The following TBCD variants were observed in gnomAD, a reference collection of about 807,000 sequenced individuals.
TBCD encodes the protein tubulin-specific chaperone D.
Under a neutral mutation model 169.3 loss-of-function variants are expected in TBCD, and 105 were observed. That is an observed-to-expected ratio of 0.62 (90% confidence interval 0.53 to 0.73). The LOEUF (loss-of-function observed/expected upper bound fraction) is 0.73. Among genes scored for constraint, TBCD ranks in the 30% least tolerant of loss-of-function variants. The pLI, the probability that TBCD is intolerant of heterozygous loss-of-function variation, is 0.00. For missense variants in TBCD, 1,444 were observed against 1,600.1 expected (o/e 0.90, Z 1.66); for synonymous variants, 700 against 643.9 (o/e 1.09, Z -1.32).
At chr17:82,778,550 C>G (rs145179704) in intron 6 of TBCD, among the ~76,000 whole-genome samples, 227 of 151,902 alleles carry the variant, frequency 1.5e-3, no homozygotes, top group African/African-American at 5.3e-3. Context: ...CCTCCATCTC[C>G]TAGGCTCAAG....
Position 82,907,097 on chromosome 17 carries a change from G to A in TBCD, c.1923-664G>A, listed in dbSNP as rs115711636. 5.7e-3 allele frequency among the ~76,000 whole-genome samples: 861 copies of A among 152,360 alleles called. 6 individuals carry two copies. Among genetic ancestry groups the A allele is most frequent in the African/African-American group, 0.019 (787 of 41,580 alleles). ...CCACGTGGGCACCTCCGCCTGGCAC[G>A]AAACAAAATTCCAGACCCCCAGCAG... is the stretch of plus-strand genomic sequence containing the variant. On this transcript the variant is annotated intron_variant, in intron 20 of 38. Transcript: ENST00000355528.
Position 82,752,081 on chromosome 17 carries a change from G to A in TBCD, c.-113G>A. On this transcript the variant is annotated 5_prime_UTR_variant, in exon 1 of 39. Coordinates refer to ENST00000355528, the MANE Select transcript of TBCD (RefSeq NM_005993.5). ...CGGGGCGGGGCCAGCGTCGGTTGCC[G>A]CCTTAGCGGGCGCCTCCTTTTCATC... is the stretch of plus-strand genomic sequence containing the variant. 7.3e-6 allele frequency: 9 copies of A among 1,232,560 alleles called. No homozygotes were observed. Among genetic ancestry groups the A allele is most frequent in the East Asian group, 3.2e-5 (1 of 31,244 alleles). The allele number at this position is 1,232,560 out of a possible 1,614,324, so 76.4% of individuals were successfully genotyped here. A position where few individuals can be genotyped will look rare whatever the true frequency, so the allele number is the denominator to read the frequency against.
chr17:82,780,399 C>T (rs879906050), intron 6 of TBCD, among the ~76,000 whole-genome samples: 3 of 152,018 alleles, frequency 2.0e-5, no homozygotes, highest in Non-Finnish European at 2.9e-5. Context: ...TGTGGCAGTG[C>T]CAGTCTCGAT....
chr17:82,903,497 C>G lies in TBCD; in HGVS notation c.1804+19C>G. ...ACGCAAGGTGGGTGTGTGTCCCGGCCGGCCTGCGGGCACCATGCATGCACT... is the reference window on the plus strand; with the variant it reads ...ACGCAAGGTGGGTGTGTGTCCCGGCGGGCCTGCGGGCACCATGCATGCACT... On this transcript the variant is annotated intron_variant, in intron 19 of 38. Transcript: ENST00000355528. This position sits in a 1 kb window ranked among gnomAD's most constrained non-coding sequence, Gnocchi z 4.8. The G allele has an allele frequency of 6.3e-7, 1 of 1,577,692 alleles. No homozygotes were observed. The highest frequency in any genetic ancestry group is 8.6e-7 in the Non-Finnish European group (1 of 1,161,464).
At chr17:82,931,452 A>C (rs939701329) in intron 33 of TBCD, among the ~76,000 whole-genome samples, 4 of 152,206 alleles carry the variant, frequency 2.6e-5, no homozygotes, top group African/African-American at 9.6e-5. Flanking sequence ...GCCTCAGCCC[A>C]TGGTCACTTG....
At chr17:82,781,274 C>T (rs563886910) in intron 6 of TBCD, among the ~76,000 whole-genome samples, 35 of 45,120 alleles carry the variant, frequency 7.8e-4, no homozygotes, top group African/African-American at 2.5e-3. Context: ...GGCTCCCTGG[C>T]GGTGATGGGG....
Position 82,884,125 on chromosome 17 carries a change from A to G in TBCD, c.1476-20A>G. 1 of 1,595,282 alleles carries G rather than the reference A, an allele frequency of 6.3e-7. No homozygotes were observed. The highest frequency in any genetic ancestry group is 2.3e-5 in the East Asian group (1 of 44,380). ...GTTTTGCAGAATTTCTTTTTAATTA[A>G]TCCTTTCTCTTTTTCACAGTGCACT... On this transcript the variant is annotated intron_variant, in intron 14 of 38. Coordinates refer to ENST00000355528, the MANE Select transcript of TBCD (RefSeq NM_005993.5). This position sits in a 1 kb window ranked among gnomAD's most constrained non-coding sequence, Gnocchi z 4.2.
chr17:82,908,274 G>A (rs752413114), intron 21 of TBCD: 1 of 456,790 alleles, frequency 2.2e-6, no homozygotes, highest in Non-Finnish European at 4.4e-6. Context: ...CACAGAACGA[G>A]CACAGAAGCC....
intron 14 of TBCD, among the ~76,000 whole-genome samples, chr17:82,871,406 A>G (rs1018162693): frequency 1.3e-5 from 2 of 152,204 alleles, no homozygotes; most frequent in Non-Finnish European, 2.9e-5. Flanking sequence ...ACTCAGTGTC[A>G]CTGTCCGTCA....
intron 34 of TBCD, among the ~76,000 whole-genome samples, chr17:82,936,267 A>C (rs550606511): frequency 3.7e-4 from 56 of 152,292 alleles, no homozygotes; most frequent in Non-Finnish European, 7.1e-4. Flanking sequence ...ATGACTTTTA[A>C]CTGTGATTTG....
chr17:82,911,075 G>C (rs2060607100), intron 22 of TBCD, among the ~76,000 whole-genome samples: 1 of 152,216 alleles, frequency 6.6e-6, no homozygotes, highest in East Asian at 1.9e-4. Flanking sequence ...ACTGGGCCTG[G>C]AGGGCTCCTT....
chr17:82,906,606 G>A (rs925817849), intron 20 of TBCD, among the ~76,000 whole-genome samples: 3 of 152,258 alleles, frequency 2.0e-5, no homozygotes, highest in Non-Finnish European at 4.4e-5. Context: ...TTTCTTCCCA[G>A]TCGAGTCTTC....
chr17:82,758,384 G>GAAAAAAAAAAAAAAAAAAAAAA (rs71168146), intron 2 of TBCD, among the ~76,000 whole-genome samples: 4 of 25,002 alleles, frequency 1.6e-4, no homozygotes, highest in Admixed American at 1.6e-3. Flanking sequence ...AAACGTCTCG[G>GAAAAAAAAAAAAAAAAAAAAAA]AAAAAAAAAA....
intron 2 of TBCD, among the ~76,000 whole-genome samples, chr17:82,758,526 A>G (rs1292681486): frequency 2.7e-5 from 4 of 149,310 alleles, no homozygotes; most frequent in African/African-American, 9.8e-5. Flanking sequence ...CTGGGATTTC[A>G]GGTGTGAGCC....
intron 35 of TBCD, 162 bp from the exon 36 acceptor site, chr17:82,937,887 A>T: frequency 1.3e-6 from 2 of 1,526,358 alleles, no homozygotes; most frequent in Middle Eastern, 1.7e-4. Flanking sequence ...GGCACAGTGC[A>T]GATGTACGCA....
chr17:82,758,815 A>T (rs1337593962), intron 2 of TBCD, among the ~76,000 whole-genome samples: 1 of 151,288 alleles, frequency 6.6e-6, no homozygotes. Context: ...GTGTGCTACC[A>T]CGCCTGGCTA....
At chr17:82,931,337 T>A (rs1191167500) in intron 33 of TBCD, among the ~76,000 whole-genome samples, 1 of 152,248 alleles carries the variant, frequency 6.6e-6, no homozygotes, top group Non-Finnish European at 1.5e-5. Context: ...CGATCGATTT[T>A]GATAGGTGTC....
chr17:82,929,358 G>A lies in TBCD; in HGVS notation c.2853-4G>A, dbSNP rs948904896. The A allele has an allele frequency of 3.7e-6, 6 of 1,612,252 alleles. No individual in the cohort carries two copies. The highest frequency in any genetic ancestry group is 5.1e-6 in the Non-Finnish European group (6 of 1,178,946). ...CCGGCCTTGTCTCACTCACTCTCTT[G>A]CAGGTCCGATGTGGCCTCCGTGAAC... On this transcript the variant is annotated splice_polypyrimidine_tract_variant and splice_region_variant and intron_variant, in intron 31 of 38. Coordinates refer to ENST00000355528, the MANE Select transcript of TBCD (RefSeq NM_005993.5).
In TBCD at chr17:82,903,586, T is replaced by G; in HGVS notation, c.1804+108T>G. On this transcript the variant is annotated intron_variant, in intron 19 of 38. Coordinates refer to ENST00000355528, the MANE Select transcript of TBCD (RefSeq NM_005993.5). This position sits in a 1 kb window ranked among gnomAD's most constrained non-coding sequence, Gnocchi z 4.8. ...CTGAAAATAAGGTTGTGCTTCTGTCTTGGTGAGAAGCATCTGAGGAAAGAG... is the reference window on the plus strand; with the variant it reads ...CTGAAAATAAGGTTGTGCTTCTGTCGTGGTGAGAAGCATCTGAGGAAAGAG... The G allele has an allele frequency of 8.7e-7, 1 of 1,150,050 alleles. No individual in the cohort carries two copies. The highest frequency in any genetic ancestry group is 1.4e-5 in the South Asian group (1 of 69,076). The allele number at this position is 1,150,050 out of a possible 1,614,324, so 71.2% of individuals were successfully genotyped here. A position where few individuals can be genotyped will look rare whatever the true frequency, so the allele number is the denominator to read the frequency against.
Sources: allele counts gnomAD v4.1 joint callset (sites outside exome capture counted in the v4.1 genomes callset), GRCh38; gene constraint gnomAD v4.1.1; non-coding constraint Gnocchi (gnomAD v3.1); transcripts MANE v1.5; gene names NCBI Gene and HGNC (gene_info 2026-07-23, HGNC 2026-07-21).